HNRNPH2: variants seen among roughly 807,000 people sequenced by gnomAD.
HNRNPH2 encodes FTP-3.
For missense variants in HNRNPH2, 115 were observed against 352.9 expected (o/e 0.33, Z 5.40); for synonymous variants, 128 against 128.2 (o/e 1.00, Z 0.01).
At position 101,412,567 on chromosome X, in the gene HNRNPH2, C is replaced by A; in HGVS notation, c.579C>A (p.Thr193=). The A allele has an allele frequency of 8.3e-7, 1 of 1,211,659 alleles. No individual in the cohort carries two copies. The highest frequency in any genetic ancestry group is 3.0e-5 in the East Asian group (1 of 33,848). ...IFKSSRAEVR[T]HYDPPRKLMA... ...AGAGTAGCCGAGCTGAAGTTCGAAC[C>A]CACTATGATCCCCCTCGAAAGCTCA... The change falls in exon 2 of 2, where the codon ACC becomes ACA. Residue 193 remains threonine, a synonymous_variant. Transcript: ENST00000316594.
rs1245270234 is a variant in HNRNPH2, at chrX:101,412,441, C to T, written c.453C>T (p.Ser151=). ...TGCCAGTGGACTTTCAGGGGCGAAG[C>T]ACAGGGGAAGCCTTTGTGCAGTTTG... ...MTLPVDFQGR[S]TGEAFVQFAS... is the part of the protein sequence containing the mutation. Residue 151 remains serine, a synonymous_variant, in exon 2 of 2, where the codon AGC becomes AGT. Coordinates refer to ENST00000316594, the MANE Select transcript of HNRNPH2 (RefSeq NM_019597.5). 4.1e-6 allele frequency: 5 copies of T among 1,210,516 alleles called. No individual in the cohort carries two copies. Among genetic ancestry groups the T allele is most frequent in the Non-Finnish European group, 5.6e-6 (5 of 895,194 alleles).
rs1420151344 is a variant in HNRNPH2 at position 101,414,051 on chromosome X, T to C, written c.*713T>C. ...AATCTGAGGCTTTGGTTTAAATCTTTCCTTGTATTGTGATTTCCATTTAGA... is the reference window on the plus strand; with the variant it reads ...AATCTGAGGCTTTGGTTTAAATCTTCCCTTGTATTGTGATTTCCATTTAGA... On this transcript the variant is annotated 3_prime_UTR_variant, in exon 2 of 2. Coordinates refer to ENST00000316594, the MANE Select transcript of HNRNPH2 (RefSeq NM_019597.5). 4.1e-5 allele frequency: 5 copies of C among 121,980 alleles called. No individual in the cohort carries two copies. The highest frequency in any genetic ancestry group is 7.5e-5 in the Non-Finnish European group (4 of 53,044). 10.1% of individuals were successfully genotyped at this position (121,980 alleles called of 1,213,427 possible). A position where few individuals can be genotyped will look rare whatever the true frequency, so the allele number is the denominator to read the frequency against.
At position 101,413,385 on chromosome X, in the gene HNRNPH2, AT is replaced by A. The variant is rs1928866823; in HGVS notation, c.*50del. 9.5e-7 allele frequency: 1 copy of A among 1,050,836 alleles called. No individual in the cohort carries two copies. Among genetic ancestry groups the A allele is most frequent in the South Asian group, 2.2e-5 (1 of 44,764 alleles). 86.6% of individuals were successfully genotyped at this position (1,050,836 alleles called of 1,213,427 possible). A position where few individuals can be genotyped will look rare whatever the true frequency, so the allele number is the denominator to read the frequency against. ...GCTACTCCAGATATAAAAGCTGTAC[AT>A]TTGTGGGAGTTGAATAGAATGGGAG... On this transcript the variant is annotated 3_prime_UTR_variant, in exon 2 of 2. Transcript: ENST00000316594.
In HNRNPH2 at chrX:101,411,919, CT is replaced by C. The variant is rs372055912; in HGVS notation, c.-53-4del. On this transcript the variant is annotated splice_polypyrimidine_tract_variant and intron_variant, in intron 1 of 1. Coordinates refer to ENST00000316594, the MANE Select transcript of HNRNPH2 (RefSeq NM_019597.5). ...AGCATTTTTCCATGACAGTAGTCTT[CT>C]TTTTTTTTTTTTCAGCTACACCAAA... 0.075 allele frequency: 46,914 copies of C among 622,483 alleles called. 2 individuals carry two copies. Among genetic ancestry groups the C allele is most frequent in the East Asian group, 0.085 (1,387 of 16,278 alleles). The allele number at this position is 622,483 out of a possible 1,213,427, so 51.3% of individuals were successfully genotyped here. A position where few individuals can be genotyped will look rare whatever the true frequency, so the allele number is the denominator to read the frequency against.
chrX:101,412,033 C>T lies in HNRNPH2; in HGVS notation c.45C>T (p.Val15=). 8.3e-7 allele frequency: 1 copy of T among 1,209,837 alleles called. No homozygotes were observed. The highest frequency in any genetic ancestry group is 1.1e-6 in the Non-Finnish European group (1 of 895,116). Reference sequence around the variant, plus strand: ...GCAGGGAGGGGTTCGTGGTGAAGGTCAGGGGCCTACCCTGGTCCTGCTCAG... The same window carrying T: ...GCAGGGAGGGGTTCGTGGTGAAGGTTAGGGGCCTACCCTGGTCCTGCTCAG... ...TEGREGFVVK[V]RGLPWSCSAD... Residue 15 remains valine (V), a synonymous_variant, in exon 2 of 2, where the codon GTC becomes GTT. Transcript: ENST00000316594.
At chrX:101,410,114 T>A (rs782678088) in intron 1 of HNRNPH2, among the ~76,000 whole-genome samples, 2 of 112,520 alleles carry the variant, frequency 1.8e-5, no homozygotes, top group East Asian at 5.5e-4. Context: ...CATAAGTAAT[T>A]TCTCATGTTA....
rs1180414353 is a variant in HNRNPH2, at chrX:101,414,055, T to A, written c.*717T>A. 1 of 121,966 alleles carries A rather than the reference T, an allele frequency of 8.2e-6. No homozygotes were observed. The highest frequency in any genetic ancestry group is 1.9e-5 in the Non-Finnish European group (1 of 53,041). The allele number at this position is 121,966 out of a possible 1,213,427, so 10.1% of individuals were successfully genotyped here. A position where few individuals can be genotyped will look rare whatever the true frequency, so the allele number is the denominator to read the frequency against. On this transcript the variant is annotated 3_prime_UTR_variant, in exon 2 of 2. Coordinates refer to ENST00000316594, the MANE Select transcript of HNRNPH2 (RefSeq NM_019597.5). Reference sequence around the variant, plus strand: ...TGAGGCTTTGGTTTAAATCTTTCCTTGTATTGTGATTTCCATTTAGATGTA... The same window carrying A: ...TGAGGCTTTGGTTTAAATCTTTCCTAGTATTGTGATTTCCATTTAGATGTA...
intron 1 of HNRNPH2, among the ~76,000 whole-genome samples, chrX:101,411,684 G>A (rs982374330): frequency 9.1e-5 from 10 of 109,897 alleles, no homozygotes; most frequent in Non-Finnish European, 1.9e-4. Context: ...CAAAGTGCTG[G>A]GATTACAGGC....
Position 101,412,384 on chromosome X carries a change from A to C in HNRNPH2, c.396A>C (p.Ser132=). 3.3e-6 allele frequency: 4 copies of C among 1,212,095 alleles called. No homozygotes were observed. The highest frequency in any genetic ancestry group is 4.5e-6 in the Non-Finnish European group (4 of 895,515). ...CSKEEIVQFF[S]GLEIVPNGMT... The stretch of plus-strand genomic sequence containing the variant: ...AGGAAGAGATTGTTCAGTTCTTTTC[A>C]GGGTTGGAAATTGTGCCAAATGGGA... The change falls in exon 2 of 2, where the codon TCA becomes TCC. Residue 132 remains serine, a synonymous_variant. Coordinates refer to ENST00000316594, the MANE Select transcript of HNRNPH2 (RefSeq NM_019597.5).
In HNRNPH2 at chrX:101,413,612, A is replaced by T. The variant is rs1928875685; in HGVS notation, c.*274A>T. 1 of 276,376 alleles carries T rather than the reference A, an allele frequency of 3.6e-6. No individual in the cohort carries two copies. Among genetic ancestry groups the T allele is most frequent in the African/African-American group, 2.8e-5 (1 of 35,823 alleles). The allele number at this position is 276,376 out of a possible 1,213,427, so 22.8% of individuals were successfully genotyped here. ...ATTATTTTAAAACTTCAAGCTCAGT[A>T]ATTTTGAACACTGAAACATTCATCT... On this transcript the variant is annotated 3_prime_UTR_variant, in exon 2 of 2. Coordinates refer to ENST00000316594, the MANE Select transcript of HNRNPH2 (RefSeq NM_019597.5).
intron 1 of HNRNPH2, among the ~76,000 whole-genome samples, chrX:101,408,547 G>A (rs1928647845): frequency 9.1e-6 from 1 of 110,409 alleles, no homozygotes; most frequent in Non-Finnish European, 1.9e-5. Context: ...GTCTGTCTGG[G>A]CCGGTCTCGG....
chrX:101,413,459 A>T lies in HNRNPH2; in HGVS notation c.*121A>T. ...GATTGGTAAATGGGAAATATAATTG[A>T]TTCTGATCACTCTTGGTCAGCTTCT... On this transcript the variant is annotated 3_prime_UTR_variant, in exon 2 of 2. Coordinates refer to ENST00000316594, the MANE Select transcript of HNRNPH2 (RefSeq NM_019597.5). The T allele has an allele frequency of 1.7e-6, 1 of 573,736 alleles. No individual in the cohort carries two copies. Among genetic ancestry groups the T allele is most frequent in the Non-Finnish European group, 2.8e-6 (1 of 362,784 alleles). 47.3% of individuals were successfully genotyped at this position (573,736 alleles called of 1,213,427 possible).
intron 1 of HNRNPH2, among the ~76,000 whole-genome samples, chrX:101,410,899 T>C (rs1928769647): frequency 8.9e-6 from 1 of 111,922 alleles, no homozygotes; most frequent in Non-Finnish European, 1.9e-5. Flanking sequence ...AAAAAATGTT[T>C]ATGGATCCCT....
intron 1 of HNRNPH2, among the ~76,000 whole-genome samples, chrX:101,409,372 C>T (rs1015882142): frequency 2.7e-5 from 3 of 111,958 alleles, no homozygotes; most frequent in Non-Finnish European, 5.6e-5. Flanking sequence ...TGCTCCCAGA[C>T]CATTTCAGAT....
rs1286430705 is a variant in HNRNPH2, at chrX:101,413,993, ACTTTAG to A, written c.*656_*661del. ...GACAATTTTAAGATGTAATACCAATACTTTAGAAGTTTGGTCGTGTCGTTTGTATGA... is the reference window on the plus strand; with the variant it reads ...GACAATTTTAAGATGTAATACCAATAAAGTTTGGTCGTGTCGTTTGTATGA... On this transcript the variant is annotated 3_prime_UTR_variant, in exon 2 of 2. Transcript: ENST00000316594. The A allele has an allele frequency of 8.3e-6, 1 of 120,791 alleles. No homozygotes were observed. The highest frequency in any genetic ancestry group is 2.8e-4 in the East Asian group (1 of 3,522). The allele number at this position is 120,791 out of a possible 1,213,427, so 10.0% of individuals were successfully genotyped here.
At position 101,413,226 on chromosome X, in the gene HNRNPH2, G is replaced by T; in HGVS notation, c.1238G>T (p.Ser413Ile). The change falls in exon 2 of 2, where the codon AGC (serine) becomes ATC (isoleucine). Residue 413 changes from serine to isoleucine, a missense_variant. Transcript: ENST00000316594. ...SNQSSYGGPA[S>I]QQLSGGYGGG... ...CAGTCTAGTTATGGAGGTCCTGCTAGCCAGCAGCTGAGTGGTGGTTATGGA... is the reference window on the plus strand; with the variant it reads ...CAGTCTAGTTATGGAGGTCCTGCTATCCAGCAGCTGAGTGGTGGTTATGGA... 8.3e-7 allele frequency: 1 copy of T among 1,211,569 alleles called. No individual in the cohort carries two copies. The highest frequency in any genetic ancestry group is 1.1e-6 in the Non-Finnish European group (1 of 895,333).
intron 1 of HNRNPH2, 94 bp from the exon 2 acceptor site, chrX:101,411,842 G>A: frequency 1.1e-6 from 1 of 931,456 alleles, no homozygotes; most frequent in Non-Finnish European, 1.5e-6. Context: ...AAAGCTGTCA[G>A]CATAATTGAA....
In HNRNPH2 at chrX:101,413,520, C is replaced by T. The variant is rs782351563; in HGVS notation, c.*182C>T. 2.0e-5 allele frequency: 8 copies of T among 392,011 alleles called. No individual in the cohort carries two copies. The highest frequency in any genetic ancestry group is 5.2e-5 in the African/African-American group (2 of 38,668). The allele number at this position is 392,011 out of a possible 1,213,427, so 32.3% of individuals were successfully genotyped here. A position where few individuals can be genotyped will look rare whatever the true frequency, so the allele number is the denominator to read the frequency against. On this transcript the variant is annotated 3_prime_UTR_variant, in exon 2 of 2. Coordinates refer to ENST00000316594, the MANE Select transcript of HNRNPH2 (RefSeq NM_019597.5). ...CTTTCTTTCTCCTTTTTTAAGAAAA[C>T]GAGTTAAGTTTAACAGTTTTGCATT...
rs782267643 is a variant in HNRNPH2, at chrX:101,413,456, TTGATTC to T, written c.*123_*128del. 1 of 579,398 alleles carries T rather than the reference TTGATTC, an allele frequency of 1.7e-6. No homozygotes were observed. The highest frequency in any genetic ancestry group is 2.3e-5 in the African/African-American group (1 of 43,417). The allele number at this position is 579,398 out of a possible 1,213,427, so 47.7% of individuals were successfully genotyped here. A position where few individuals can be genotyped will look rare whatever the true frequency, so the allele number is the denominator to read the frequency against. On this transcript the variant is annotated 3_prime_UTR_variant, in exon 2 of 2. Coordinates refer to ENST00000316594, the MANE Select transcript of HNRNPH2 (RefSeq NM_019597.5). The stretch of plus-strand genomic sequence containing the variant: ...TATGATTGGTAAATGGGAAATATAA[TTGATTC>T]TGATCACTCTTGGTCAGCTTCTCTT...
Sources: allele counts gnomAD v4.1 joint callset (sites outside exome capture counted in the v4.1 genomes callset), GRCh38; gene constraint gnomAD v4.1.1; transcripts MANE v1.5; gene names NCBI Gene and HGNC (gene_info 2026-07-23, HGNC 2026-07-21).